ASAH2: variants seen among roughly 807,000 people sequenced by gnomAD.
The protein encoded by ASAH2 is neutral ceramidase.
Under a neutral mutation model 82.9 loss-of-function variants are expected in ASAH2, and 58 were observed. The ratio of observed to expected loss-of-function variants is 0.70; its 90% confidence interval spans 0.57 to 0.87. The LOEUF is 0.87. ASAH2 is among the 40% of genes least tolerant of loss of function. ASAH2 has a pLI of 0.00. For missense variants in ASAH2, 779 were observed against 834.0 expected (o/e 0.93, Z 0.81); for synonymous variants, 276 against 289.7 (o/e 0.95, Z 0.48).
intron 18 of ASAH2, among the ~76,000 whole-genome samples, chr10:50,195,715 A>G (rs2133195042): frequency 6.6e-6 from 1 of 151,972 alleles, no homozygotes; most frequent in African/African-American, 2.4e-5. Flanking sequence ...TTCAGTCATA[A>G]ATAAGAATGA....
intron 4 of ASAH2, among the ~76,000 whole-genome samples, chr10:50,242,798 G>T (rs1439655314): frequency 6.6e-6 from 1 of 152,072 alleles, no homozygotes; most frequent in East Asian, 1.9e-4. Flanking sequence ...GTTTTAATTC[G>T]CATCCGATTC....
chr10:50,210,834 T>C lies in ASAH2; in HGVS notation c.1403A>G (p.Asn468Ser), dbSNP rs780147044. ...GGACTTCACCTTACCCTGTGTAAAA[T>C]TGAGGCCTCCAACTCCATCAATAGT... ...AGTIDGVGGL[N>S]FTQGKTEGDP... is the part of the protein sequence containing the mutation. Residue 468 changes from asparagine to serine, a missense_variant, in exon 12 of 21, where the codon AAT becomes AGT. This residue lies in a region of ASAH2 where 759 missense variants were observed against 755.2 expected (regional missense o/e 1.00). Transcript: ENST00000682911. 4.0e-5 allele frequency: 65 copies of C among 1,612,400 alleles called. No homozygotes were observed. Among genetic ancestry groups the C allele is most frequent in the African/African-American group, 6.7e-5 (5 of 74,890 alleles).
chr10:50,245,117 A>G (rs7096899), intron 3 of ASAH2, 105 bp downstream of exon 3: 143,561 of 1,031,752 alleles, frequency 0.14, 16,308 homozygotes, highest in African/African-American at 0.45. Context: ...TAAAAAGCTA[A>G]AAGAAGATAA....
intron 12 of ASAH2, among the ~76,000 whole-genome samples, chr10:50,208,044 T>C (rs1845350315): frequency 6.6e-6 from 1 of 151,980 alleles, no homozygotes; most frequent in Non-Finnish European, 1.5e-5. Flanking sequence ...AACATATTAA[T>C]ATAATTTTTT....
chr10:50,213,162 T>G, intron 9 of ASAH2, 104 bp from the exon 10 acceptor site: 1 of 1,042,430 alleles, frequency 9.6e-7, no homozygotes, highest in South Asian at 1.3e-5. Context: ...TAAAACCACA[T>G]TCTTGCATTT....
At chr10:50,215,087 A>T (rs1171528907) in intron 8 of ASAH2, among the ~76,000 whole-genome samples, 1 of 152,192 alleles carries the variant, frequency 6.6e-6, no homozygotes, top group Non-Finnish European at 1.5e-5. Flanking sequence ...CCCATTTGCC[A>T]ATGTTGGCTT....
intron 10 of ASAH2, among the ~76,000 whole-genome samples, chr10:50,211,584 T>G (rs1039901000): frequency 9.8e-4 from 150 of 152,308 alleles, no homozygotes; most frequent in Non-Finnish European, 1.8e-3. Context: ...CTTCAAGCCC[T>G]GCTTTGTCTG....
chr10:50,212,992 C>T lies in ASAH2; in HGVS notation c.1207G>A (p.Ala403Thr), dbSNP rs1845498772. 1.2e-6 allele frequency: 2 copies of T among 1,613,530 alleles called. No homozygotes were observed. The highest frequency in any genetic ancestry group is 1.7e-6 in the Non-Finnish European group (2 of 1,179,646). Residue 403 changes from alanine to threonine, a missense_variant, in exon 10 of 21, where the codon GCC becomes ACC. By Grantham distance (58) the Ala-to-Thr change is moderately conservative (BLOSUM62 0). Coordinates refer to ENST00000682911, the MANE Select transcript of ASAH2 (RefSeq NM_019893.4). ...MFDSTQIIGR[A>T]MYQRAKELYA... ...CTTACCTTTGCTCTCTGATACATGG[C>T]CCGTCCTATAATTTGTGTGCTGTCA... is the stretch of plus-strand genomic sequence containing the variant.
At chr10:50,211,000 G>T (rs1284832532) in intron 11 of ASAH2, 30 bp downstream of exon 11, 1 of 1,598,416 alleles carries the variant, frequency 6.3e-7, no homozygotes. Flanking sequence ...CACCCTTGGG[G>T]CATAACCAGT....
intron 7 of ASAH2, among the ~76,000 whole-genome samples, chr10:50,228,832 A>T (rs1845956491): frequency 6.6e-6 from 1 of 152,112 alleles, no homozygotes; most frequent in South Asian, 2.1e-4. Flanking sequence ...AGAAGAAAAG[A>T]AGAGGAAGGA....
Position 50,221,737 on chromosome 10 carries a change from G to A in ASAH2, c.894-3107C>T, listed in dbSNP as rs575934529. Among the ~76,000 whole-genome samples the A allele has an allele frequency of 4.8e-5, 7 of 145,606 alleles. No individual in the cohort carries two copies. In the South Asian group the frequency reaches 1.1e-3, roughly 23 times the overall value. On this transcript the variant is annotated intron_variant, in intron 7 of 20. Transcript: ENST00000682911. ...ATAGATAGATAGATAGATAGATACAGATAGAGATAGAGATATATGCTCTTA... is the reference window on the plus strand; with the variant it reads ...ATAGATAGATAGATAGATAGATACAAATAGAGATAGAGATATATGCTCTTA...
intron 7 of ASAH2, among the ~76,000 whole-genome samples, chr10:50,220,978 T>G (rs1845729528): frequency 6.6e-6 from 1 of 152,118 alleles, no homozygotes. Context: ...TTCTATGTAG[T>G]TTCTTTTTTC....
chr10:50,213,054 C>A lies in ASAH2; in HGVS notation c.1145G>T (p.Ser382Ile). 6.2e-7 allele frequency: 1 copy of A among 1,612,916 alleles called. No homozygotes were observed. The highest frequency in any genetic ancestry group is 1.7e-5 in the Admixed American group (1 of 59,978). ...ANSTCPIGGP[S>I]MCIAKGPGQD... Reference sequence around the variant, plus strand: ...TCCAGGTCCCTTAGCAATGCACATGCTAGGCTGGAACAAAATAAGATATGA... The same window carrying A: ...TCCAGGTCCCTTAGCAATGCACATGATAGGCTGGAACAAAATAAGATATGA... The change falls in exon 10 of 21, where the codon AGC becomes ATC. Residue 382 changes from serine to isoleucine, a missense_variant. Physicochemically the swap from Ser to Ile is moderately radical, Grantham distance 142. This residue lies in a region of ASAH2 where 759 missense variants were observed against 755.2 expected (regional missense o/e 1.00). Transcript: ENST00000682911.
intron 12 of ASAH2, among the ~76,000 whole-genome samples, chr10:50,208,135 A>C (rs1290485438): frequency 6.6e-6 from 1 of 151,996 alleles, no homozygotes; most frequent in Non-Finnish European, 1.5e-5. Context: ...AACACTCAAC[A>C]AACTAGGAAT....
At chr10:50,212,281 G>A (rs1845477102) in intron 10 of ASAH2, among the ~76,000 whole-genome samples, 1 of 151,874 alleles carries the variant, frequency 6.6e-6, no homozygotes, top group Admixed American at 6.6e-5. Context: ...TCAGTTCGAG[G>A]TAATTTTTTT....
chr10:50,189,074 A>C (rs1844828433), intron 20 of ASAH2, among the ~76,000 whole-genome samples: 1 of 146,184 alleles, frequency 6.8e-6, no homozygotes, highest in Non-Finnish European at 1.5e-5. Flanking sequence ...AGAATCATTG[A>C]TCATATACAA....
chr10:50,187,835 T>G (rs1450790364), intron 20 of ASAH2, among the ~76,000 whole-genome samples: 1 of 12,186 alleles, frequency 8.2e-5, no homozygotes, highest in African/African-American at 8.9e-5. Flanking sequence ...CTTTTAGCCC[T>G]TATCTGACAC....
chr10:50,198,494 T>C (rs1285214784), intron 17 of ASAH2: 7 of 156,250 alleles, frequency 4.5e-5, no homozygotes. Context: ...ATATTATCTT[T>C]TGAACCACCA....
At chr10:50,228,647 C>A (rs1176939623) in intron 7 of ASAH2, among the ~76,000 whole-genome samples, 1 of 152,026 alleles carries the variant, frequency 6.6e-6, no homozygotes, top group Non-Finnish European at 1.5e-5. Flanking sequence ...CAAATCACTG[C>A]CCCTGTCATC....
Sources: allele counts gnomAD v4.1 joint callset (sites outside exome capture counted in the v4.1 genomes callset), GRCh38; gene constraint gnomAD v4.1.1; regional missense constraint gnomAD v4.1.1; transcripts MANE v1.5; gene names NCBI Gene and HGNC (gene_info 2026-07-23, HGNC 2026-07-21).